Variants in KCNH7 observed in about 807,000 individuals in gnomAD.
KCNH7 encodes voltage-gated inwardly rectifying potassium channel KCNH7.
Under a neutral mutation model 120.8 loss-of-function variants are expected in KCNH7, and 49 were observed. The observed-to-expected ratio is 0.41, with a 90% CI of 0.32 to 0.51. KCNH7 has a LOEUF of 0.51. KCNH7 is among the 20% of genes least tolerant of loss of function. The pLI, the probability that KCNH7 is intolerant of heterozygous loss-of-function variation, is 0.38. For missense variants in KCNH7, 1,097 were observed against 1,446.6 expected (o/e 0.76, Z 3.92); for synonymous variants, 547 against 516.1 (o/e 1.06, Z -0.81).
At chr2:162,678,821 G>A (rs1172574542) in intron 2 of KCNH7, among the ~76,000 whole-genome samples, 1 of 151,454 alleles carries the variant, frequency 6.6e-6, no homozygotes, top group Non-Finnish European at 1.5e-5. Flanking sequence ...TAGGGAATGG[G>A]GAAAATATTT....
intron 2 of KCNH7, among the ~76,000 whole-genome samples, chr2:162,799,527 T>C (rs1376557166): frequency 6.6e-6 from 1 of 151,988 alleles, no homozygotes; most frequent in African/African-American, 2.4e-5. Context: ...TCATGATCAT[T>C]ATAAATATTT....
chr2:162,678,204 G>A (rs371005270), intron 2 of KCNH7, among the ~76,000 whole-genome samples: 2 of 151,246 alleles, frequency 1.3e-5, no homozygotes, highest in African/African-American at 4.8e-5. Context: ...TCCTAATGTG[G>A]CACTTTCTTA....
chr2:162,494,936 T>C (rs1273629039), intron 6 of KCNH7, among the ~76,000 whole-genome samples: 1 of 152,184 alleles, frequency 6.6e-6, no homozygotes, highest in African/African-American at 2.4e-5. Context: ...ATGTTGTTGA[T>C]CCTTGTTTTG....
intron 2 of KCNH7, among the ~76,000 whole-genome samples, chr2:162,802,014 T>C (rs1416201776): frequency 1.3e-5 from 2 of 151,766 alleles, no homozygotes; most frequent in East Asian, 1.9e-4. Context: ...TCACAAACTT[T>C]AGTGTGCATC....
At chr2:162,607,058 A>G (rs1682797935) in intron 2 of KCNH7, among the ~76,000 whole-genome samples, 1 of 151,982 alleles carries the variant, frequency 6.6e-6, no homozygotes, top group Admixed American at 6.6e-5. Context: ...TATAACACTA[A>G]TTTTTAAAAT....
chr2:162,643,624 T>C (rs1408659932), intron 2 of KCNH7, among the ~76,000 whole-genome samples: 2 of 151,654 alleles, frequency 1.3e-5, no homozygotes, highest in African/African-American at 4.8e-5. Flanking sequence ...CTGGCCAACA[T>C]GGTGAAACCC....
chr2:162,641,642 G>A (rs547106729), intron 2 of KCNH7, among the ~76,000 whole-genome samples: 5 of 152,258 alleles, frequency 3.3e-5, no homozygotes, highest in South Asian at 2.1e-4. Flanking sequence ...ACAGGCTAGA[G>A]GTCAGGGATT....
At chr2:162,660,972 C>T (rs13390414) in intron 2 of KCNH7, among the ~76,000 whole-genome samples, 1 of 152,046 alleles carries the variant, frequency 6.6e-6, no homozygotes, top group African/African-American at 2.4e-5. Context: ...AAGTTCTGTA[C>T]AATAAGATAG....
At chr2:162,617,337 G>A (rs995334606) in intron 2 of KCNH7, among the ~76,000 whole-genome samples, 1 of 152,060 alleles carries the variant, frequency 6.6e-6, no homozygotes, top group Admixed American at 6.5e-5. Context: ...AAATTAGCCG[G>A]GCGTGGTGGC....
chr2:162,664,860 C>T (rs567123105), intron 2 of KCNH7, among the ~76,000 whole-genome samples: 5 of 152,228 alleles, frequency 3.3e-5, no homozygotes, highest in Admixed American at 6.5e-5. Context: ...AAGTGCTCTT[C>T]TTATGGCTGA....
intron 2 of KCNH7, among the ~76,000 whole-genome samples, chr2:162,709,312 A>T (rs1236499750): frequency 6.6e-6 from 1 of 152,106 alleles, no homozygotes; most frequent in Non-Finnish European, 1.5e-5. Context: ...AGTATAGAAC[A>T]ATAATGTGAC....
intron 9 of KCNH7, among the ~76,000 whole-genome samples, chr2:162,418,293 T>C (rs2105479588): frequency 6.6e-6 from 1 of 152,258 alleles, no homozygotes; most frequent in East Asian, 1.9e-4. Context: ...CATGGAGGAT[T>C]ATCTGGATAT....
At chr2:162,467,922 G>A (rs1454020815) in intron 6 of KCNH7, among the ~76,000 whole-genome samples, 2 of 152,108 alleles carry the variant, frequency 1.3e-5, no homozygotes, top group African/African-American at 2.4e-5. Context: ...TGGTGGAAGG[G>A]GCAAGGCATT....
chr2:162,574,094 T>C (rs895948861), intron 2 of KCNH7, among the ~76,000 whole-genome samples: 1 of 152,098 alleles, frequency 6.6e-6, no homozygotes, highest in Non-Finnish European at 1.5e-5. Flanking sequence ...TAAAATCACA[T>C]AATTCACTGA....
intron 2 of KCNH7, among the ~76,000 whole-genome samples, chr2:162,786,085 G>T (rs889393744): frequency 6.6e-6 from 1 of 151,508 alleles, no homozygotes; most frequent in Non-Finnish European, 1.5e-5. Flanking sequence ...TAATAAAAAT[G>T]CAAAAAAATC....
intron 2 of KCNH7, among the ~76,000 whole-genome samples, chr2:162,552,465 T>C (rs188689395): frequency 2.6e-5 from 4 of 152,312 alleles, no homozygotes; most frequent in East Asian, 1.9e-4. Context: ...ACTAACAGTA[T>C]TTGCCAGGCA....
intron 2 of KCNH7, among the ~76,000 whole-genome samples, chr2:162,680,212 C>T (rs543406913): frequency 6.6e-6 from 1 of 151,728 alleles, no homozygotes; most frequent in Admixed American, 6.6e-5. Flanking sequence ...TAGTGGGCCA[C>T]CCTCCCTCTA....
At chr2:162,393,941 A>C (rs528390319) in intron 12 of KCNH7, among the ~76,000 whole-genome samples, 9 of 152,104 alleles carry the variant, frequency 5.9e-5, no homozygotes, top group African/African-American at 2.2e-4. Context: ...GAATAGTCAG[A>C]GAGGCAGAAA....
At chr2:162,792,762 G>GGT (rs59397474) in intron 2 of KCNH7, among the ~76,000 whole-genome samples, 30 of 125,006 alleles carry the variant, frequency 2.4e-4, no homozygotes, top group African/African-American at 8.4e-4. Flanking sequence ...TCTTTTGAAT[G>GGT]GTGTGTGTGT....
Sources: gnomAD v4.1 joint callset for allele counts (sites outside exome capture counted in the v4.1 genomes callset) on GRCh38, gnomAD v4.1.1 for gene constraint, MANE v1.5 for transcripts, NCBI Gene and HGNC (gene_info 2026-07-23, HGNC 2026-07-21) for gene names.